Variants in CERK observed in about 807,000 individuals in gnomAD.
CERK encodes ceramide kinase.
A neutral mutation model predicts 63.4 loss-of-function variants in CERK; 39 were observed. That is an observed-to-expected ratio of 0.61 (90% CI 0.48 to 0.80). The LOEUF (loss-of-function observed/expected upper bound fraction) is 0.80. CERK is among the 30% of genes least tolerant of loss of function. CERK has a pLI of 0.00. For missense variants in CERK, 670 were observed against 714.1 expected, an observed-to-expected ratio of 0.94 and a Z score of 0.70; for synonymous variants, 302 against 280.0, an observed-to-expected ratio of 1.08 and a Z score of -0.78.
intron 8 of CERK, among the ~76,000 whole-genome samples, chr22:46,697,364 G>A (rs1314469360): frequency 6.6e-6 from 1 of 151,984 alleles, no homozygotes; most frequent in Non-Finnish European, 1.5e-5. Flanking sequence ...GCAGTGGCCT[G>A]ATCTCTGCTC....
intron 6 of CERK, among the ~76,000 whole-genome samples, 157 bp downstream of exon 6, chr22:46,707,686 C>T (rs2082819807): frequency 6.6e-6 from 1 of 152,216 alleles, no homozygotes; most frequent in Non-Finnish European, 1.5e-5. Context: ...GTCATACTCT[C>T]AATGATATCC....
rs184041717 is a variant in CERK, at chr22:46,731,435, T to C, written c.142+6572A>G. ...AATGACAAGCAGCCCCTGACTCCGC[T>C]GCCAACAAGGCTGAGGGGAACCTGG... On this transcript the variant is annotated intron_variant, in intron 1 of 12. Transcript: ENST00000216264. 3.9e-5 allele frequency among the ~76,000 whole-genome samples: 6 copies of C among 152,280 alleles called. No homozygotes were observed. The East Asian group carries it at 9.7e-4, about 24-fold the overall frequency.
At chr22:46,726,642 T>G (rs974635429) in intron 1 of CERK, among the ~76,000 whole-genome samples, 3 of 152,210 alleles carry the variant, frequency 2.0e-5, no homozygotes, top group Non-Finnish European at 4.4e-5. Context: ...CATCTGATCT[T>G]CATTAAAAAT....
chr22:46,715,896 T>A (rs1372258330), intron 3 of CERK, among the ~76,000 whole-genome samples: 3 of 152,028 alleles, frequency 2.0e-5, no homozygotes, highest in African/African-American at 7.3e-5. Flanking sequence ...TTTAAAATCA[T>A]AAAAATAGGC....
At position 46,707,936 on chromosome 22, in the gene CERK, T is replaced by TG; in HGVS notation, c.621_622insC (p.Ile208HisfsTer23). On this transcript the variant is annotated frameshift_variant, in exon 6 of 13. Transcript: ENST00000216264. LOFTEE classifies it high-confidence loss of function. ...CCGGCGCTCCTCTGCGTCCTCCCAA[T>TG]CAGACCGTGCAGCACCTCGCTGAAC... is the stretch of plus-strand genomic sequence containing the variant. The TG allele has an allele frequency of 6.2e-7, 1 of 1,613,784 alleles. No homozygotes were observed. Among genetic ancestry groups the TG allele is most frequent in the Non-Finnish European group, 8.5e-7 (1 of 1,179,950 alleles).
intron 7 of CERK, among the ~76,000 whole-genome samples, chr22:46,700,926 G>A (rs747440165): frequency 4.0e-5 from 6 of 151,540 alleles, no homozygotes; most frequent in Admixed American, 1.3e-4. Flanking sequence ...CAGGAGAATC[G>A]CTTGAACTTG....
At chr22:46,707,448 C>T (rs2146563535) in intron 6 of CERK, among the ~76,000 whole-genome samples, 1 of 152,266 alleles carries the variant, frequency 6.6e-6, no homozygotes, top group East Asian at 1.9e-4. Context: ...CCTCCCAACT[C>T]CCCAGCCCGA....
intron 12 of CERK, among the ~76,000 whole-genome samples, chr22:46,687,931 TCA>T (rs1411124586): frequency 6.6e-6 from 1 of 152,184 alleles, no homozygotes; most frequent in Non-Finnish European, 1.5e-5. Context: ...GCACAGTGAC[TCA>T]CGCCTATAAT....
At chr22:46,690,697 C>T (rs1247775866) in intron 11 of CERK, among the ~76,000 whole-genome samples, 2 of 152,070 alleles carry the variant, frequency 1.3e-5, no homozygotes, top group Non-Finnish European at 2.9e-5. Context: ...CCAAAAGTTC[C>T]GCTTCCCCCA....
In CERK at chr22:46,699,404, G is replaced by C. The variant is rs377119102; in HGVS notation, c.852C>G (p.Ser284=). 2 of 1,614,046 alleles carry C rather than the reference G, an allele frequency of 1.2e-6. No individual in the cohort carries two copies. Among genetic ancestry groups the C allele is most frequent in the Non-Finnish European group, 1.7e-6 (2 of 1,179,894 alleles). ...VHHNSTLLRY[S]VSLLGYGFYG... ...AGAAGCCGTAGCCCAGCAGGGACACGGAGTAGCGAAGGAGTGTGCTGTTGT... is the reference window on the plus strand; with the variant it reads ...AGAAGCCGTAGCCCAGCAGGGACACCGAGTAGCGAAGGAGTGTGCTGTTGT... The change falls in exon 8 of 13, where the codon TCC becomes TCG. Residue 284 remains serine, a synonymous_variant. Coordinates refer to ENST00000216264, the MANE Select transcript of CERK (RefSeq NM_022766.6).
In CERK at chr22:46,690,105, C is replaced by T; in HGVS notation, c.1428G>A (p.Gly476=). The change falls in exon 12 of 13, where the codon GGG becomes GGA. Residue 476 remains glycine (G), a synonymous_variant. Transcript: ENST00000216264. ...TGCAAATGTGCCCAAAGCGCTTCTT[C>T]CCCCCCTCCTTGAGGTCGCTGTCCT... ...EDEDSDLKEG[G]KKRFGHICSS... is the part of the protein sequence containing the mutation. 6.2e-7 allele frequency: 1 copy of T among 1,613,840 alleles called. No homozygotes were observed. Among genetic ancestry groups the T allele is most frequent in the Non-Finnish European group, 8.5e-7 (1 of 1,179,898 alleles).
chr22:46,720,145 G>A lies in CERK; in HGVS notation c.320C>T (p.Pro107Leu). The stretch of plus-strand genomic sequence containing the variant: ...CCACAAGTGACACAGCTGCTCCTCT[G>A]GACACCAGAAAGTCACCTGCGCCCA... ...WKWAQVTFWC[P>L]EEQLCHLWLQ... Residue 107 changes from proline to leucine, a missense_variant, in exon 3 of 13, where the codon CCA becomes CTA. Transcript: ENST00000216264. 2 of 1,614,050 alleles carry A rather than the reference G, an allele frequency of 1.2e-6. No individual in the cohort carries two copies. The highest frequency in any genetic ancestry group is 1.7e-6 in the Non-Finnish European group (2 of 1,180,022).
rs972292036 is a variant in CERK, at chr22:46,691,643, T to C, written c.1261A>G (p.Ile421Val). ...AACCTGGAGCATTTCCGGATGAGGA[T>C]GAGGTCAGAAGACCCGTCTCCCAAG... Reference protein sequence around the residue: ...AHLGDGSSDLILIRKCSRFNF... With the variant: ...AHLGDGSSDLVLIRKCSRFNF... The change falls in exon 11 of 13, where the codon ATC becomes GTC. Residue 421 changes from isoleucine to valine, a missense_variant. Physicochemically the swap from Ile to Val is conservative, Grantham distance 29 (BLOSUM62 3). Coordinates refer to ENST00000216264, the MANE Select transcript of CERK (RefSeq NM_022766.6). The C allele has an allele frequency of 6.2e-7, 1 of 1,613,946 alleles. No homozygotes were observed. Among genetic ancestry groups the C allele is most frequent in the Non-Finnish European group, 8.5e-7 (1 of 1,180,002 alleles).
At position 46,720,135 on chromosome 22, in the gene CERK, C is replaced by T; in HGVS notation, c.330G>A (p.Gln110=). The change falls in exon 3 of 13, where the codon CAG becomes CAA. Residue 110 remains glutamine, a synonymous_variant. Transcript: ENST00000216264. ...GGGTCTGCAGCCACAAGTGACACAG[C>T]TGCTCCTCTGGACACCAGAAAGTCA... The part of the protein sequence containing the change: ...AQVTFWCPEE[Q]LCHLWLQTLR... 6.2e-7 allele frequency: 1 copy of T among 1,614,134 alleles called. No homozygotes were observed. Among genetic ancestry groups the T allele is most frequent in the South Asian group, 1.1e-5 (1 of 91,088 alleles).
chr22:46,698,407 C>T (rs370426045), intron 8 of CERK, among the ~76,000 whole-genome samples: 5 of 152,374 alleles, frequency 3.3e-5, no homozygotes, highest in East Asian at 3.9e-4. Flanking sequence ...TCAACAAATA[C>T]GTGCTGAGTG....
At chr22:46,703,186 A>C (rs1211658514) in intron 6 of CERK, among the ~76,000 whole-genome samples, 1 of 152,156 alleles carries the variant, frequency 6.6e-6, no homozygotes, top group Non-Finnish European at 1.5e-5. Flanking sequence ...ATACTAATAC[A>C]TATGTGGAAG....
chr22:46,724,785 T>C (rs375368338), intron 1 of CERK, among the ~76,000 whole-genome samples: 61 of 152,138 alleles, frequency 4.0e-4, no homozygotes, highest in African/African-American at 1.1e-3. Context: ...TTTGGGAGGC[T>C]AAGGTGGGCG....
rs6520052 is a variant in CERK, at chr22:46,708,312, C to T, written c.570-324G>A. 8.8e-3 allele frequency among the ~76,000 whole-genome samples: 1,340 copies of T among 152,310 alleles called. 21 individuals carry two copies. Among genetic ancestry groups the T allele is most frequent in the African/African-American group, 0.031 (1,294 of 41,552 alleles). ...CTCTGGGTCTCAGGACTCAAGTTTG[C>T]GGGGCGGGAAGAGTACACCTGTGCT... is the stretch of plus-strand genomic sequence containing the variant. On this transcript the variant is annotated intron_variant, in intron 5 of 12. Transcript: ENST00000216264.
At chr22:46,701,992 C>T (rs538859438) in intron 6 of CERK, among the ~76,000 whole-genome samples, 1 of 152,094 alleles carries the variant, frequency 6.6e-6, no homozygotes, top group South Asian at 2.1e-4. Context: ...ACCAGCCTGG[C>T]CAACATGGTG....
Sources: gnomAD v4.1 joint callset for allele counts (sites outside exome capture counted in the v4.1 genomes callset) on GRCh38, gnomAD v4.1.1 for gene constraint, MANE v1.5 for transcripts, NCBI Gene and HGNC (gene_info 2026-07-23, HGNC 2026-07-21) for gene names.